The following GDPD5 variants were observed in gnomAD, a reference collection of about 807,000 sequenced individuals.
The protein encoded by GDPD5 is glycerophosphodiester phosphodiesterase domain containing 5.
A neutral mutation model predicts 75.1 loss-of-function variants in GDPD5; 48 were observed. The ratio of observed to expected loss-of-function variants is 0.64; its 90% CI spans 0.51 to 0.81. GDPD5 has a LOEUF of 0.81. Among genes scored for constraint, GDPD5 ranks in the 40% least tolerant of loss-of-function variants. GDPD5 has a pLI of 0.00. For missense variants in GDPD5, 706 were observed against 822.6 expected (o/e 0.86, Z 1.73); for synonymous variants, 336 against 339.0 (o/e 0.99, Z 0.10).
Position 75,443,276 on chromosome 11 carries a change from C to T in GDPD5, c.808G>A (p.Val270Met), listed in dbSNP as rs757217461. The change falls in exon 11 of 17, where the codon GTG becomes ATG. Residue 270 changes from valine to methionine, a missense_variant. Val to Met is a conservative substitution (Grantham distance 21). Coordinates refer to ENST00000336898, the MANE Select transcript of GDPD5 (RefSeq NM_030792.8). ...QADITISLDGVPFLMHDTTLR... is the reference protein window; with the variant it reads ...QADITISLDGMPFLMHDTTLR... Reference sequence around the variant, plus strand: ...GTGGTGTCATGCATGAGGAAGGGCACGCCGTCCAGGCTGCAGGGAGGGTGG... The same window carrying T: ...GTGGTGTCATGCATGAGGAAGGGCATGCCGTCCAGGCTGCAGGGAGGGTGG... 69 of 1,608,682 alleles carry T rather than the reference C, an allele frequency of 4.3e-5. No individual in the cohort carries two copies. Among genetic ancestry groups the T allele is most frequent in the Admixed American group, 2.7e-4 (16 of 59,326 alleles).
chr11:75,491,055 C>A (rs1351495100), intron 1 of GDPD5, among the ~76,000 whole-genome samples: 1 of 152,188 alleles, frequency 6.6e-6, no homozygotes, highest in Non-Finnish European at 1.5e-5. Context: ...AGAGCCAGGG[C>A]TGGGACCTGA....
intron 15 of GDPD5, among the ~76,000 whole-genome samples, chr11:75,439,545 G>A (rs768963066): frequency 1.1e-4 from 17 of 151,734 alleles, no homozygotes; most frequent in South Asian, 2.1e-4. Flanking sequence ...TCCCCACTGC[G>A]AGCACACCCC....
At chr11:75,512,805 T>C (rs1471026864) in intron 1 of GDPD5, among the ~76,000 whole-genome samples, 1 of 152,042 alleles carries the variant, frequency 6.6e-6, no homozygotes, top group South Asian at 2.1e-4. Flanking sequence ...ATCCCAGCTA[T>C]GTGGGAGGCC....
intron 10 of GDPD5, among the ~76,000 whole-genome samples, 192 bp downstream of exon 10, chr11:75,444,221 G>T (rs1359858746): frequency 1.3e-5 from 2 of 152,110 alleles, no homozygotes; most frequent in African/African-American, 4.8e-5. Flanking sequence ...TGCACCAAGA[G>T]CATTTGTTCT....
intron 2 of GDPD5, among the ~76,000 whole-genome samples, chr11:75,488,591 C>T (rs543042617): frequency 1.0e-3 from 159 of 152,288 alleles, no homozygotes; most frequent in African/African-American, 3.7e-3. Flanking sequence ...TTCCCACCTC[C>T]ATGCCTTCAC....
Position 75,457,719 on chromosome 11 carries a change from C to T in GDPD5, c.289G>A (p.Ala97Thr). The change falls in exon 5 of 17, where the codon GCC becomes ACC. Residue 97 changes from alanine (A) to threonine (T), a missense_variant. Ala to Thr is a moderately conservative substitution (Grantham distance 58). Coordinates refer to ENST00000336898, the MANE Select transcript of GDPD5 (RefSeq NM_030792.8). ...AGGAGGCCAGCGATGTATGCGAAGG[C>T]AGCAGCTGTGGTCACAAGGATGGGT... ...PVPILVTTAA[A>T]FAYIAGLLVL... 6.2e-7 allele frequency: 1 copy of T among 1,614,174 alleles called. No individual in the cohort carries two copies. The highest frequency in any genetic ancestry group is 8.5e-7 in the Non-Finnish European group (1 of 1,180,012).
intron 3 of GDPD5, among the ~76,000 whole-genome samples, chr11:75,470,747 T>C (rs1184721649): frequency 6.6e-6 from 1 of 152,230 alleles, no homozygotes; most frequent in Non-Finnish European, 1.5e-5. Flanking sequence ...TGGTGTGAAG[T>C]AAAAGGCAGG....
intron 1 of GDPD5, among the ~76,000 whole-genome samples, chr11:75,499,407 T>C (rs1479638296): frequency 2.6e-5 from 4 of 150,964 alleles, no homozygotes; most frequent in South Asian, 2.1e-4. Context: ...TTTTTTTTTT[T>C]TTTTTTTTTT....
chr11:75,486,350 C>T (rs1364573836), intron 2 of GDPD5, among the ~76,000 whole-genome samples: 1 of 152,176 alleles, frequency 6.6e-6, no homozygotes, highest in Non-Finnish European at 1.5e-5. Context: ...AAGGCCCATA[C>T]CAAGGTTAGG....
chr11:75,509,846 A>C (rs1056550470), intron 1 of GDPD5, among the ~76,000 whole-genome samples: 2 of 152,094 alleles, frequency 1.3e-5, no homozygotes, highest in African/African-American at 4.8e-5. Context: ...AGCCCGGCTA[A>C]TTTTTGTATT....
At chr11:75,502,003 C>G (rs2135455172) in intron 1 of GDPD5, among the ~76,000 whole-genome samples, 1 of 152,350 alleles carries the variant, frequency 6.6e-6, no homozygotes, top group Middle Eastern at 3.4e-3. Flanking sequence ...AGTCCAGTAT[C>G]TCCCCAGATC....
chr11:75,441,084 C>T (rs529625263), intron 14 of GDPD5, 79 bp downstream of exon 14: 4 of 1,439,864 alleles, frequency 2.8e-6, no homozygotes, highest in African/African-American at 2.8e-5. Context: ...GCTCCAAGCA[C>T]AGAGCTTGCC....
At chr11:75,441,986 T>G (rs2276443) in intron 12 of GDPD5, among the ~76,000 whole-genome samples, 183 bp from the exon 13 acceptor site, 10,119 of 152,246 alleles carry the variant, frequency 0.066, 407 homozygotes, top group East Asian at 0.13. Flanking sequence ...TGGCAGCAAC[T>G]CAGGAAACTT....
At position 75,448,965 on chromosome 11, in the gene GDPD5, G is replaced by A. The variant is rs201420184; in HGVS notation, c.714+12C>T. The A allele has an allele frequency of 6.4e-6, 10 of 1,557,694 alleles. No individual in the cohort carries two copies. The highest frequency in any genetic ancestry group is 2.2e-5 in the Admixed American group (1 of 44,502). ...CCCAACGGGGCTGTTAGGACCCTGAGGTGGCACTCACCATGGGGGCCCCGC... is the reference window on the plus strand; with the variant it reads ...CCCAACGGGGCTGTTAGGACCCTGAAGTGGCACTCACCATGGGGGCCCCGC... On this transcript the variant is annotated intron_variant, in intron 9 of 16. Transcript: ENST00000336898.
chr11:75,492,356 A>C (rs1315078050), intron 1 of GDPD5: 1 of 152,254 alleles, frequency 6.6e-6, no homozygotes, highest in Non-Finnish European at 1.5e-5. Context: ...CCTTCCCAGC[A>C]CGGGGCCAAT....
At chr11:75,474,287 A>C (rs1450135028) in intron 3 of GDPD5, among the ~76,000 whole-genome samples, 1 of 152,224 alleles carries the variant, frequency 6.6e-6, no homozygotes, top group Non-Finnish European at 1.5e-5. Context: ...CATCTGACCT[A>C]TATCCCTCTC....
Position 75,444,499 on chromosome 11 carries a change from G to C in GDPD5, c.715-4C>G. ...TGAGCGTGTGCTCTGGAGCCAGCTG[G>C]GGAAGAAGGGGTGGTGAAGGGAGAG... On this transcript the variant is annotated splice_polypyrimidine_tract_variant and splice_region_variant and intron_variant, in intron 9 of 16. Transcript: ENST00000336898. The C allele has an allele frequency of 6.2e-7, 1 of 1,611,504 alleles. No individual in the cohort carries two copies. The highest frequency in any genetic ancestry group is 1.1e-5 in the South Asian group (1 of 91,048).
At chr11:75,447,775 C>T (rs958911601) in intron 9 of GDPD5, among the ~76,000 whole-genome samples, 3 of 152,106 alleles carry the variant, frequency 2.0e-5, no homozygotes, top group Admixed American at 6.5e-5. Context: ...TCCCCTGCCC[C>T]CACTGGGAAG....
rs1948838476 is a variant in GDPD5, at chr11:75,442,260, T to C, written c.1167+103A>G. ...CAGTGTGTGATCCCCATTTTACAAA[T>C]GGGAAAGCTGAAGTCCGGAGTGCAA... On this transcript the variant is annotated intron_variant, in intron 12 of 16. Transcript: ENST00000336898. 1.3e-5 allele frequency: 11 copies of C among 850,604 alleles called. No homozygotes were observed. The South Asian group carries it at 1.4e-4, about 11-fold the overall frequency. 52.7% of individuals were successfully genotyped at this position (850,604 alleles called of 1,614,324 possible). A position where few individuals can be genotyped will look rare whatever the true frequency, so the allele number is the denominator to read the frequency against.
Sources: gnomAD v4.1 joint callset for allele counts (sites outside exome capture counted in the v4.1 genomes callset) on GRCh38, gnomAD v4.1.1 for gene constraint, MANE v1.5 for transcripts, NCBI Gene and HGNC (gene_info 2026-07-23, HGNC 2026-07-21) for gene names.